Variants in PSD3 observed in about 807,000 individuals in gnomAD.
PSD3 encodes PH and SEC7 domain-containing protein 3.
Under a neutral mutation model 105.5 loss-of-function variants are expected in PSD3, and 49 were observed. The ratio of observed to expected loss-of-function variants is 0.46; its 90% CI spans 0.37 to 0.59. The LOEUF (loss-of-function observed/expected upper bound fraction) is 0.59. Among genes scored for constraint, PSD3 ranks in the 20% least tolerant of loss-of-function variants. The pLI, the probability that PSD3 is intolerant of heterozygous loss-of-function variation, is 0.00. For missense variants in PSD3, 1,561 were observed against 1,263.8 expected, an observed-to-expected ratio of 1.24 and a Z score of -3.57; for synonymous variants, 557 against 457.8, an observed-to-expected ratio of 1.22 and a Z score of -2.77.
intron 14 of PSD3, among the ~76,000 whole-genome samples, chr8:18,572,086 G>C (rs1044922319): frequency 6.6e-6 from 1 of 152,132 alleles, no homozygotes; most frequent in African/African-American, 2.4e-5. Flanking sequence ...GGGTAGGGCA[G>C]GCCATTTCCC....
intron 15 of PSD3, among the ~76,000 whole-genome samples, chr8:18,546,157 G>C (rs1235664130): frequency 1.3e-5 from 2 of 151,998 alleles, no homozygotes; most frequent in Non-Finnish European, 2.9e-5. Context: ...CACCATGCCC[G>C]CCTAATATTT....
At position 18,934,850 on chromosome 8, in the gene PSD3, C is replaced by T. The variant is rs74355268; in HGVS notation, c.130+1184G>A. 4.3e-3 allele frequency among the ~76,000 whole-genome samples: 661 copies of T among 152,244 alleles called. 5 individuals carry two copies. Among genetic ancestry groups the T allele is most frequent in the African/African-American group, 0.015 (627 of 41,548 alleles). ...CTAATTCTCAAGATATGCTAATATC[C>T]CCTTTATCATCGGTTTTCCATAAAA... On this transcript the variant is annotated intron_variant, in intron 2 of 15. Transcript: ENST00000327040.
chr8:18,586,075 T>G lies in PSD3; in HGVS notation c.2482-10790A>C, dbSNP rs140158294. Reference sequence around the variant, plus strand: ...TTAATACCTAAGAGGCTGCCGACACTGTGCCCATGTGTTCAGGAGGCATGC... The same window carrying G: ...TTAATACCTAAGAGGCTGCCGACACGGTGCCCATGTGTTCAGGAGGCATGC... On this transcript the variant is annotated intron_variant, in intron 12 of 15. Coordinates refer to ENST00000327040, the MANE Select transcript of PSD3 (RefSeq NM_015310.4). 2.6e-3 allele frequency among the ~76,000 whole-genome samples: 393 copies of G among 152,270 alleles called. 2 individuals are homozygous for G. The highest frequency in any genetic ancestry group is 8.7e-3 in the African/African-American group (362 of 41,556).
At chr8:18,840,870 T>C (rs1173223833) in intron 4 of PSD3, among the ~76,000 whole-genome samples, 1 of 152,198 alleles carries the variant, frequency 6.6e-6, no homozygotes, top group African/African-American at 2.4e-5. Flanking sequence ...AATTTCACTA[T>C]TAACGGTGTG....
chr8:18,840,606 C>T (rs1468252872), intron 4 of PSD3, among the ~76,000 whole-genome samples: 2 of 152,156 alleles, frequency 1.3e-5, no homozygotes, highest in African/African-American at 4.8e-5. Context: ...TTAGTATGTC[C>T]ACCTGGCAGA....
chr8:18,983,120 T>G (rs980338802), intron 1 of PSD3, among the ~76,000 whole-genome samples: 10 of 152,246 alleles, frequency 6.6e-5, no homozygotes, highest in Admixed American at 6.5e-4. Flanking sequence ...CTGCTTCACC[T>G]TTATGTTATA....
chr8:18,617,139 T>A (rs1805752811), intron 11 of PSD3, among the ~76,000 whole-genome samples: 1 of 152,170 alleles, frequency 6.6e-6, no homozygotes, highest in Non-Finnish European at 1.5e-5. Context: ...GATGGGGAAG[T>A]TTTTTTCCTG....
chr8:18,754,063 C>T (rs1196512828), intron 9 of PSD3, among the ~76,000 whole-genome samples: 5 of 152,148 alleles, frequency 3.3e-5, no homozygotes, highest in African/African-American at 1.2e-4. Flanking sequence ...CATGGCCAAA[C>T]TGAGAAAACA....
At chr8:18,604,180 T>C (rs1353587354) in intron 11 of PSD3, among the ~76,000 whole-genome samples, 1 of 152,174 alleles carries the variant, frequency 6.6e-6, no homozygotes, top group Non-Finnish European at 1.5e-5. Flanking sequence ...GATGAATGGT[T>C]ATGACCAAAA....
At chr8:18,701,278 C>T (rs1224228680) in intron 9 of PSD3, among the ~76,000 whole-genome samples, 1 of 151,998 alleles carries the variant, frequency 6.6e-6, no homozygotes, top group East Asian at 1.9e-4. Context: ...CCACATGAAA[C>T]ATTTTTATCT....
chr8:18,815,774 T>A (rs1812169506), intron 4 of PSD3, among the ~76,000 whole-genome samples: 1 of 7,264 alleles, frequency 1.4e-4, no homozygotes, highest in Admixed American at 1.3e-3. Flanking sequence ...TGCACATAAC[T>A]TCACTTTCTC....
chr8:18,831,694 C>A (rs1813694230), intron 4 of PSD3, among the ~76,000 whole-genome samples: 2 of 152,034 alleles, frequency 1.3e-5, no homozygotes, highest in Non-Finnish European at 2.9e-5. Flanking sequence ...TGCACTCCAG[C>A]CTGGGCAACA....
intron 14 of PSD3, among the ~76,000 whole-genome samples, chr8:18,561,090 T>C (rs1272122354): frequency 3.9e-5 from 6 of 152,234 alleles, no homozygotes; most frequent in African/African-American, 1.4e-4. Flanking sequence ...CTTCTGAGTA[T>C]GTAGCCAAAG....
intron 9 of PSD3, among the ~76,000 whole-genome samples, chr8:18,731,469 AATTTACTGC>A (rs1408213522): frequency 1.3e-5 from 2 of 152,182 alleles, no homozygotes; most frequent in African/African-American, 4.8e-5. Context: ...TGATACTTAA[AATTTACTGC>A]CCTGTATCAA....
chr8:18,750,605 CG>C (rs1337243176), intron 9 of PSD3, among the ~76,000 whole-genome samples: 2 of 152,056 alleles, frequency 1.3e-5, no homozygotes, highest in African/African-American at 4.8e-5. Context: ...CTGCTGGCTC[CG>C]GCAGCCTGCT....
intron 9 of PSD3, among the ~76,000 whole-genome samples, chr8:18,696,819 T>A (rs527647285): frequency 1.3e-5 from 2 of 152,182 alleles, no homozygotes; most frequent in Non-Finnish European, 1.5e-5. Flanking sequence ...TACTGTCCAA[T>A]AGAAGTCTAT....
intron 4 of PSD3, among the ~76,000 whole-genome samples, chr8:18,854,905 C>A (rs556668041): frequency 1.3e-5 from 2 of 152,306 alleles, no homozygotes; most frequent in African/African-American, 4.8e-5. Flanking sequence ...TTGTCCAAAG[C>A]CTGCTTCAGA....
At position 18,529,413 on chromosome 8, in the gene PSD3, G is replaced by A. The variant is rs1226206543; in HGVS notation, c.*6330C>T. 1 of 152,284 alleles carries A rather than the reference G, an allele frequency of 6.6e-6. No individual in the cohort carries two copies. Among genetic ancestry groups the A allele is most frequent in the Non-Finnish European group, 1.5e-5 (1 of 68,032 alleles). 9.4% of individuals were successfully genotyped at this position (152,284 alleles called of 1,614,324 possible). On this transcript the variant is annotated 3_prime_UTR_variant, in exon 16 of 16. Transcript: ENST00000327040. ...TTGTATAACTTAAAACATTCACTGT[G>A]TGTGCATGTGTGCAAGCATGTGTAC...
At chr8:19,024,122 A>G (rs58935353) in intron 1 of PSD3, among the ~76,000 whole-genome samples, 2,486 of 152,320 alleles carry the variant, frequency 0.016, 65 homozygotes, top group African/African-American at 0.056. Context: ...AGCACAAATA[A>G]ATCACTTTTT....
Sources: gnomAD v4.1 joint callset for allele counts (sites outside exome capture counted in the v4.1 genomes callset) on GRCh38, gnomAD v4.1.1 for gene constraint, MANE v1.5 for transcripts, NCBI Gene and HGNC (gene_info 2026-07-23, HGNC 2026-07-21) for gene names.